The following SHROOM2 variants were observed in gnomAD, a reference collection of about 807,000 sequenced individuals.
SHROOM2 encodes shroom family member 2, also known as protein Shroom2.
In SHROOM2, 33 loss-of-function variants were observed where a neutral mutation model predicts 75.9. That is an observed-to-expected ratio of 0.43 (90% CI 0.33 to 0.58). SHROOM2 has a LOEUF of 0.58. Ranked by LOEUF, SHROOM2 falls within the 20% of genes least tolerant of loss-of-function variation. The pLI is 0.04. For synonymous variants in SHROOM2, 655 were observed against 663.6 expected (o/e 0.99, Z 0.20); for missense variants, 1,434 against 1,461.2 (o/e 0.98, Z 0.30).
At position 9,847,782 on chromosome X, in the gene SHROOM2, T is replaced by C. The variant is rs138677605; in HGVS notation, c.166-25870T>C. Reference sequence around the variant, plus strand: ...GTGCTGAGTTACATGTGGAAACAGCTCTACACAACATTCCCTAGTCTCTTG... The same window carrying C: ...GTGCTGAGTTACATGTGGAAACAGCCCTACACAACATTCCCTAGTCTCTTG... On this transcript the variant is annotated intron_variant, in intron 1 of 9. Transcript: ENST00000380913. 2.7e-3 allele frequency among the ~76,000 whole-genome samples: 302 copies of C among 112,286 alleles called. 1 individual carries two copies. Among genetic ancestry groups the C allele is most frequent in the Non-Finnish European group, 4.4e-3 (237 of 53,298 alleles).
intron 8 of SHROOM2, among the ~76,000 whole-genome samples, chrX:9,941,971 CAAAAAAAAAAA>C (rs56088322): frequency 1.8e-5 from 1 of 54,463 alleles, no homozygotes. Flanking sequence ...GACTCCGTCT[CAAAAAAAAAAA>C]AAAAAAAAAA....
Position 9,880,529 on chromosome X carries a change from G to C in SHROOM2, c.317+6726G>C, listed in dbSNP as rs140409489. 9.1e-3 allele frequency among the ~76,000 whole-genome samples: 1,029 copies of C among 112,846 alleles called. 16 individuals are homozygous for C. The East Asian group carries it at 0.093, about 10-fold the overall frequency. On this transcript the variant is annotated intron_variant, in intron 2 of 9. Coordinates refer to ENST00000380913, the MANE Select transcript of SHROOM2 (RefSeq NM_001649.4). ...AGGTGATATTGGCAGAGCCATGAGCGATGGCTGCCCGGCAGGTCATAAAGG... is the reference window on the plus strand; with the variant it reads ...AGGTGATATTGGCAGAGCCATGAGCCATGGCTGCCCGGCAGGTCATAAAGG...
chrX:9,931,610 C>A (rs1387136591), intron 5 of SHROOM2, among the ~76,000 whole-genome samples: 1 of 111,433 alleles, frequency 9.0e-6, no homozygotes, highest in African/African-American at 3.3e-5. Flanking sequence ...TCACACTGTA[C>A]TCCAGCCTGG....
In SHROOM2 at chrX:9,853,623, C is replaced by T. The variant is rs183425306; in HGVS notation, c.166-20029C>T. 1.6e-3 allele frequency among the ~76,000 whole-genome samples: 175 copies of T among 111,677 alleles called. 1 individual carries two copies. Among genetic ancestry groups the T allele is most frequent in the African/African-American group, 5.5e-3 (169 of 30,710 alleles). On this transcript the variant is annotated intron_variant, in intron 1 of 9. Coordinates refer to ENST00000380913, the MANE Select transcript of SHROOM2 (RefSeq NM_001649.4). ...CCCTGTTTATCTGTGTCCAAATTTC[C>T]CTCATCTGTTGTGGACACCGTTATT...
intron 2 of SHROOM2, among the ~76,000 whole-genome samples, chrX:9,877,421 A>G (rs183281257): frequency 0.016 from 1,758 of 110,481 alleles, 16 homozygotes; most frequent in Non-Finnish European, 0.026. Flanking sequence ...TCAGGAGGAG[A>G]GGCTGAGGCT....
At chrX:9,873,836 G>T in intron 2 of SHROOM2, 33 bp downstream of exon 2, 1 of 1,199,094 alleles carries the variant, frequency 8.3e-7, no homozygotes, top group Non-Finnish European at 1.1e-6. Flanking sequence ...CATTTACCAC[G>T]ACACACAGGA....
At chrX:9,824,953 G>A (rs976389741) in intron 1 of SHROOM2, among the ~76,000 whole-genome samples, 1 of 111,485 alleles carries the variant, frequency 9.0e-6, no homozygotes, top group Non-Finnish European at 1.9e-5. Flanking sequence ...AGATGGCCTC[G>A]GGATTGTGGA....
chrX:9,909,238 A>G (rs1349671978), intron 5 of SHROOM2, among the ~76,000 whole-genome samples: 1 of 112,415 alleles, frequency 8.9e-6, no homozygotes, highest in Non-Finnish European at 1.9e-5. Context: ...CAAAGGCAGA[A>G]CAAGTTAAGC....
At chrX:9,824,131 A>G (rs954015168) in intron 1 of SHROOM2, among the ~76,000 whole-genome samples, 5 of 111,044 alleles carry the variant, frequency 4.5e-5, no homozygotes, top group African/African-American at 9.8e-5. Context: ...TAGTTTAAAC[A>G]ACAGCTTAAA....
At chrX:9,808,727 T>C (rs753184703) in intron 1 of SHROOM2, among the ~76,000 whole-genome samples, 54 of 109,945 alleles carry the variant, frequency 4.9e-4, no homozygotes, top group Non-Finnish European at 8.3e-4. Context: ...CCAGGCGTGG[T>C]ATCAGGCGCC....
chrX:9,810,352 G>A (rs1463407000), intron 1 of SHROOM2, among the ~76,000 whole-genome samples: 1 of 111,248 alleles, frequency 9.0e-6, no homozygotes, highest in African/African-American at 3.3e-5. Flanking sequence ...GTAATACTAA[G>A]AGACGCCCTA....
chrX:9,809,521 T>C (rs1471518107), intron 1 of SHROOM2, among the ~76,000 whole-genome samples: 1 of 112,118 alleles, frequency 8.9e-6, no homozygotes, highest in African/African-American at 3.2e-5. Flanking sequence ...CTTGTCAATG[T>C]GAGATCGTAC....
At chrX:9,822,578 C>A (rs2083858638) in intron 1 of SHROOM2, among the ~76,000 whole-genome samples, 1 of 112,764 alleles carries the variant, frequency 8.9e-6, no homozygotes, top group African/African-American at 3.2e-5. Context: ...ACGTGTGCAT[C>A]TGTGCATGAC....
chrX:9,850,577 G>A (rs750399720), intron 1 of SHROOM2, among the ~76,000 whole-genome samples: 3 of 111,532 alleles, frequency 2.7e-5, no homozygotes, highest in Admixed American at 9.5e-5. Flanking sequence ...GGTGGTGCAC[G>A]CCTGTAATCC....
intron 1 of SHROOM2, among the ~76,000 whole-genome samples, chrX:9,868,929 A>G (rs1477286419): frequency 1.8e-5 from 2 of 108,531 alleles, no homozygotes; most frequent in East Asian, 5.8e-4. Context: ...ACTGGGTCAA[A>G]ATAGTTTCCT....
intron 1 of SHROOM2, among the ~76,000 whole-genome samples, chrX:9,857,603 G>A (rs1477436513): frequency 9.1e-6 from 1 of 110,102 alleles, no homozygotes; most frequent in African/African-American, 3.3e-5. Context: ...TGCCCAGGCT[G>A]GTCTCGAACT....
intron 8 of SHROOM2, 59 bp from the exon 9 acceptor site, chrX:9,944,582 G>A (rs1018780240): frequency 9.5e-5 from 107 of 1,128,074 alleles, no homozygotes; most frequent in Non-Finnish European, 1.1e-4. Flanking sequence ...CAGTGTGGCC[G>A]GGGTGGGGGC....
At chrX:9,910,673 TG>T (rs1317036169) in intron 5 of SHROOM2, among the ~76,000 whole-genome samples, 2 of 109,740 alleles carry the variant, frequency 1.8e-5, no homozygotes, top group Non-Finnish European at 3.8e-5. Context: ...AAAAATTAGC[TG>T]GGCATGGTGG....
chrX:9,853,076 A>G (rs1262151653), intron 1 of SHROOM2, among the ~76,000 whole-genome samples: 1 of 111,875 alleles, frequency 8.9e-6, no homozygotes, highest in Non-Finnish European at 1.9e-5. Context: ...CTGTTTTTAT[A>G]TAGATGTATT....
Sources: gnomAD v4.1 joint callset for allele counts (sites outside exome capture counted in the v4.1 genomes callset) on GRCh38, gnomAD v4.1.1 for gene constraint, MANE v1.5 for transcripts, NCBI Gene and HGNC (gene_info 2026-07-23, HGNC 2026-07-21) for gene names.